Variants in TYW1B observed in about 807,000 individuals in gnomAD.
The protein encoded by TYW1B is tRNA-yW synthesizing protein 1 homolog B, also known as S-adenosyl-L-methionine-dependent tRNA 4-demethylwyosine synthase TYW1B.
A neutral mutation model predicts 86.9 loss-of-function variants in TYW1B; 73 were observed. The observed-to-expected ratio is 0.84, with a 90% CI of 0.70 to 1.02. The LOEUF (loss-of-function observed/expected upper bound fraction) is 1.02, where lower values mean the gene tolerates loss of function less well. Ranked by LOEUF, TYW1B falls within the 50% of genes least tolerant of loss-of-function variation. TYW1B has a pLI of 0.00. For synonymous variants in TYW1B, 248 were observed against 292.8 expected (o/e 0.85, Z 1.56); for missense variants, 637 against 827.4 (o/e 0.77, Z 2.82).
chr7:72,717,857 G>A (rs575487426), intron 9 of TYW1B, among the ~76,000 whole-genome samples: 155 of 152,220 alleles, frequency 1.0e-3, no homozygotes, highest in Non-Finnish European at 1.9e-3. Context: ...CAGAATTGGC[G>A]TGGATTACAC....
chr7:72,724,607 T>C (rs1295298109), intron 9 of TYW1B, among the ~76,000 whole-genome samples: 1 of 152,222 alleles, frequency 6.6e-6, no homozygotes, highest in Non-Finnish European at 1.5e-5. Flanking sequence ...AAAAACTGCT[T>C]TGCTAACCTG....
At chr7:72,682,407 G>A (rs1238673954) in intron 11 of TYW1B, among the ~76,000 whole-genome samples, 2 of 152,140 alleles carry the variant, frequency 1.3e-5, no homozygotes, top group Admixed American at 1.3e-4. Context: ...AAAGAGTTGA[G>A]ATTTAAACAA....
At chr7:72,691,702 T>C (rs560914293) in intron 11 of TYW1B, among the ~76,000 whole-genome samples, 8 of 152,306 alleles carry the variant, frequency 5.3e-5, no homozygotes, top group Non-Finnish European at 8.8e-5. Context: ...TTCTAATTTT[T>C]ATGCTATGTA....
intron 11 of TYW1B, among the ~76,000 whole-genome samples, chr7:72,636,838 G>A (rs1238226277): frequency 6.6e-6 from 1 of 152,162 alleles, no homozygotes; most frequent in Non-Finnish European, 1.5e-5. Flanking sequence ...CTATGCTTAT[G>A]AGTAAAAATC....
intron 7 of TYW1B, 139 bp downstream of exon 7, chr7:72,777,277 T>A (rs1160270923): frequency 3.9e-6 from 4 of 1,016,610 alleles, no homozygotes; most frequent in East Asian, 2.5e-5. Context: ...TCCACAGAAG[T>A]AAGAAGGTAA....
intron 13 of TYW1B, among the ~76,000 whole-genome samples, chr7:72,604,524 G>A (rs1811751058): frequency 6.6e-6 from 1 of 152,050 alleles, no homozygotes; most frequent in Admixed American, 6.6e-5. Context: ...ACTGCTATGT[G>A]GATTCCGCAA....
At chr7:72,744,688 T>C in intron 7 of TYW1B, 87 bp from the exon 8 acceptor site, 1 of 1,389,484 alleles carries the variant, frequency 7.2e-7, no homozygotes, top group Non-Finnish European at 1.0e-6. Flanking sequence ...AGAGAAACCA[T>C]GTGTTTCGTA....
At chr7:72,756,077 TAGTC>T in intron 7 of TYW1B, among the ~76,000 whole-genome samples, 1 of 152,166 alleles carries the variant, frequency 6.6e-6, no homozygotes, top group South Asian at 2.1e-4. Context: ...GAGTGAAACA[TAGTC>T]AGCAGAAGGG....
chr7:72,609,387 G>A (rs1360775626), intron 13 of TYW1B, among the ~76,000 whole-genome samples: 7 of 151,826 alleles, frequency 4.6e-5, no homozygotes, highest in African/African-American at 7.3e-5. Flanking sequence ...AGTGGGACCC[G>A]ATCTCAATAA....
At chr7:72,728,994 T>C (rs1787056944) in intron 8 of TYW1B, 63 bp from the exon 9 acceptor site, 2 of 1,475,462 alleles carry the variant, frequency 1.4e-6, no homozygotes, top group South Asian at 1.2e-5. Context: ...TAGTCATTTA[T>C]GATGAAGTCG....
At chr7:72,824,957 G>A (rs1447105843) in intron 2 of TYW1B, among the ~76,000 whole-genome samples, 4 of 151,652 alleles carry the variant, frequency 2.6e-5, no homozygotes, top group Non-Finnish European at 4.4e-5. Flanking sequence ...ACAAAAATTA[G>A]CTGGGTATGG....
At chr7:72,769,798 A>G (rs1416862080) in intron 7 of TYW1B, among the ~76,000 whole-genome samples, 24 of 152,220 alleles carry the variant, frequency 1.6e-4, no homozygotes, top group Non-Finnish European at 3.5e-4. Flanking sequence ...TTGGCTGGGC[A>G]TGGTGGCTCA....
intron 13 of TYW1B, among the ~76,000 whole-genome samples, chr7:72,582,993 G>T (rs1350078730): frequency 1.4e-4 from 21 of 152,176 alleles, no homozygotes; most frequent in Admixed American, 1.4e-3. Context: ...TGTTAGGAGG[G>T]TGGGGGAATG....
intron 11 of TYW1B, among the ~76,000 whole-genome samples, chr7:72,654,149 A>T (rs567804534): frequency 1.8e-4 from 27 of 152,210 alleles, no homozygotes; most frequent in Non-Finnish European, 2.9e-5. Flanking sequence ...CAACATAATA[A>T]AGAATATCTA....
chr7:72,665,087 C>G (rs1813429605), intron 11 of TYW1B, among the ~76,000 whole-genome samples: 1 of 152,178 alleles, frequency 6.6e-6, no homozygotes, highest in Non-Finnish European at 1.5e-5. Context: ...AGGGCCGACT[C>G]TGCTCTGCTA....
rs781976376 is a variant in TYW1B, at chr7:72,575,468, T to C, written c.*30A>G. On this transcript the variant is annotated 3_prime_UTR_variant, in exon 14 of 14. Transcript: ENST00000620995. ...AACCTTTTGAGGCCATCCAAGTTTT[T>C]GTCCTTCAGTACCTTGAAATCAGAT... The C allele has an allele frequency of 1.3e-6, 2 of 1,585,584 alleles. No homozygotes were observed.
chr7:72,808,060 T>C (rs1434640350), intron 4 of TYW1B, among the ~76,000 whole-genome samples: 5 of 151,536 alleles, frequency 3.3e-5, no homozygotes, highest in Middle Eastern at 3.4e-3. Flanking sequence ...GATTGTGCCA[T>C]TGCACTCCAG....
chr7:72,811,651 C>T (rs1367634838), intron 3 of TYW1B, among the ~76,000 whole-genome samples: 1 of 151,920 alleles, frequency 6.6e-6, no homozygotes, highest in African/African-American at 2.4e-5. Flanking sequence ...GTGGCTCATA[C>T]CTGTAATCCC....
intron 11 of TYW1B, among the ~76,000 whole-genome samples, chr7:72,665,008 G>A (rs1194308348): frequency 3.9e-5 from 6 of 152,094 alleles, no homozygotes; most frequent in African/African-American, 1.4e-4. Flanking sequence ...TTGTTGTATT[G>A]TTATTTTTTT....
Sources: gnomAD v4.1 joint callset for allele counts (sites outside exome capture counted in the v4.1 genomes callset) on GRCh38, gnomAD v4.1.1 for gene constraint, MANE v1.5 for transcripts, NCBI Gene and HGNC (gene_info 2026-07-23, HGNC 2026-07-21) for gene names.